Variants in SGCZ observed in about 807,000 individuals in gnomAD.
SGCZ encodes zeta-sarcoglycan.
A neutral mutation model predicts 41.3 loss-of-function variants in SGCZ; 40 were observed. That is an observed-to-expected ratio of 0.97 (90% CI 0.75 to 1.26). The LOEUF (loss-of-function observed/expected upper bound fraction) is 1.26, where lower values mean the gene tolerates loss of function less well. Among genes scored for constraint, SGCZ ranks in the 50% most tolerant of loss-of-function variants. The pLI is 0.00. For synonymous variants in SGCZ, 206 were observed against 137.5 expected, an observed-to-expected ratio of 1.50 and a Z score of -3.49; for missense variants, 552 against 369.8, an observed-to-expected ratio of 1.49 and a Z score of -4.04.
intron 1 of SGCZ, among the ~76,000 whole-genome samples, chr8:14,942,738 T>C (rs1800318823): frequency 6.6e-6 from 1 of 152,170 alleles, no homozygotes; most frequent in African/African-American, 2.4e-5. Flanking sequence ...AATCATGTTA[T>C]AGCCCAGTGT....
intron 2 of SGCZ, among the ~76,000 whole-genome samples, chr8:14,544,342 A>G (rs1803559618): frequency 6.6e-6 from 1 of 152,124 alleles, no homozygotes; most frequent in African/African-American, 2.4e-5. Context: ...TTTGAACAAT[A>G]TGAAATCAGT....
chr8:15,091,963 A>G (rs984027576), intron 1 of SGCZ, among the ~76,000 whole-genome samples: 2 of 152,144 alleles, frequency 1.3e-5, no homozygotes, highest in African/African-American at 4.8e-5. Context: ...TGTGTTGCCC[A>G]GGCTGGCCTC....
At chr8:14,485,726 T>A (rs1801652631) in intron 2 of SGCZ, among the ~76,000 whole-genome samples, 1 of 152,114 alleles carries the variant, frequency 6.6e-6, no homozygotes, top group Non-Finnish European at 1.5e-5. Flanking sequence ...TGGTCTATCT[T>A]TCCTCAACTC....
chr8:14,154,864 A>G (rs776674976), intron 5 of SGCZ, among the ~76,000 whole-genome samples: 1 of 152,180 alleles, frequency 6.6e-6, no homozygotes, highest in Non-Finnish European at 1.5e-5. Flanking sequence ...TCTGATGACA[A>G]CTATGATCAG....
At chr8:14,626,333 G>A (rs902128293) in intron 1 of SGCZ, among the ~76,000 whole-genome samples, 2 of 151,892 alleles carry the variant, frequency 1.3e-5, no homozygotes, top group African/African-American at 2.4e-5. Flanking sequence ...AGGCTCCTGT[G>A]TGTGTTGTTC....
intron 4 of SGCZ, among the ~76,000 whole-genome samples, chr8:14,166,248 A>G (rs73524143): frequency 1.3e-5 from 2 of 152,190 alleles, no homozygotes; most frequent in African/African-American, 4.8e-5. Flanking sequence ...ACCTTTCCTT[A>G]TATAATTTAA....
chr8:14,302,129 G>C (rs1303151412), intron 3 of SGCZ, among the ~76,000 whole-genome samples: 1 of 151,692 alleles, frequency 6.6e-6, no homozygotes, highest in Non-Finnish European at 1.5e-5. Context: ...AAATGTGGGA[G>C]AGGAACCTAT....
At chr8:14,853,794 G>A (rs1803437412) in intron 1 of SGCZ, among the ~76,000 whole-genome samples, 1 of 151,874 alleles carries the variant, frequency 6.6e-6, no homozygotes, top group African/African-American at 2.4e-5. Context: ...TCTAACTACT[G>A]TTGGAATTTT....
At chr8:14,136,726 A>G (rs1803210781) in intron 5 of SGCZ, among the ~76,000 whole-genome samples, 1 of 152,210 alleles carries the variant, frequency 6.6e-6, no homozygotes, top group Non-Finnish European at 1.5e-5. Context: ...GGGGCAGGAC[A>G]TAGCTGAACA....
intron 5 of SGCZ, among the ~76,000 whole-genome samples, chr8:14,117,088 T>A (rs530185273): frequency 6.6e-6 from 1 of 152,228 alleles, no homozygotes; most frequent in African/African-American, 2.4e-5. Flanking sequence ...GCATGTATCT[T>A]TAAAGATGGT....
chr8:15,045,138 C>T (rs989841449), intron 1 of SGCZ, among the ~76,000 whole-genome samples: 1 of 151,632 alleles, frequency 6.6e-6, no homozygotes, highest in Non-Finnish European at 1.5e-5. Context: ...GGTTATTTGG[C>T]ATTGTAAAAT....
At chr8:15,224,853 G>T (rs1801716834) in intron 1 of SGCZ, among the ~76,000 whole-genome samples, 1 of 152,112 alleles carries the variant, frequency 6.6e-6, no homozygotes, top group Admixed American at 6.6e-5. Flanking sequence ...GACATCATTA[G>T]CAGGGATGAA....
intron 2 of SGCZ, among the ~76,000 whole-genome samples, chr8:14,500,603 C>G (rs889315380): frequency 6.6e-6 from 1 of 151,952 alleles, no homozygotes; most frequent in African/African-American, 2.4e-5. Context: ...GTATAGCTTA[C>G]TCACTACGAA....
chr8:15,085,102 T>C (rs1805901124), intron 1 of SGCZ, among the ~76,000 whole-genome samples: 1 of 152,152 alleles, frequency 6.6e-6, no homozygotes, highest in Non-Finnish European at 1.5e-5. Context: ...CTGGCTTTGA[T>C]GAAGAAAATG....
chr8:14,133,672 T>TAATC (rs1420704604), intron 5 of SGCZ, among the ~76,000 whole-genome samples: 5 of 152,208 alleles, frequency 3.3e-5, no homozygotes, highest in African/African-American at 9.6e-5. Context: ...CTATTTTTTT[T>TAATC]AATCAGTGTT....
chr8:14,774,341 A>G (rs1388255441), intron 1 of SGCZ, among the ~76,000 whole-genome samples: 1 of 152,176 alleles, frequency 6.6e-6, no homozygotes, highest in Non-Finnish European at 1.5e-5. Flanking sequence ...AGTGTCTTTT[A>G]TACATACTCA....
chr8:14,448,992 T>C (rs1202542718), intron 2 of SGCZ, among the ~76,000 whole-genome samples: 1 of 152,216 alleles, frequency 6.6e-6, no homozygotes, highest in African/African-American at 2.4e-5. Flanking sequence ...TTTTATTTAC[T>C]GTGCAAACAC....
chr8:15,121,746 G>A (rs1807484760), intron 1 of SGCZ, among the ~76,000 whole-genome samples: 1 of 151,996 alleles, frequency 6.6e-6, no homozygotes, highest in East Asian at 1.9e-4. Context: ...CAAATGAGTG[G>A]AAATTGTATC....
chr8:14,316,358 G>C (rs981894581), intron 3 of SGCZ, among the ~76,000 whole-genome samples: 6 of 151,626 alleles, frequency 4.0e-5, no homozygotes, highest in African/African-American at 1.2e-4. Context: ...AATAATAAAA[G>C]AATACATCAC....
Sources: gnomAD v4.1 joint callset for allele counts (sites outside exome capture counted in the v4.1 genomes callset) on GRCh38, gnomAD v4.1.1 for gene constraint, MANE v1.5 for transcripts, NCBI Gene and HGNC (gene_info 2026-07-23, HGNC 2026-07-21) for gene names.